The following PHLDB3 variants were observed in gnomAD, a reference collection of about 807,000 sequenced individuals.
PHLDB3 encodes pleckstrin homology-like domain family B member 3.
In PHLDB3, 86 loss-of-function variants were observed where a neutral mutation model predicts 85.7. The ratio of observed to expected loss-of-function variants is 1.00; its 90% CI spans 0.84 to 1.20. The LOEUF (loss-of-function observed/expected upper bound fraction) is 1.20, where lower values mean the gene tolerates loss of function less well. PHLDB3 is among the 50% of genes most tolerant of loss of function. The pLI is 0.00. For missense variants in PHLDB3, 995 were observed against 873.0 expected (o/e 1.14, Z -1.76); for synonymous variants, 376 against 349.8 (o/e 1.07, Z -0.83).
intron 10 of PHLDB3, 35 bp downstream of exon 10, chr19:43,486,989 T>C (rs761744442): frequency 1.8e-5 from 27 of 1,506,640 alleles, no homozygotes; most frequent in Non-Finnish European, 2.4e-5. Flanking sequence ...TGAGTGCTGA[T>C]GTGGGAAGGA....
At chr19:43,487,591 A>AAAAAAAAAAAAAAAAAAC (rs1167897767) in intron 9 of PHLDB3, among the ~76,000 whole-genome samples, 23 of 115,770 alleles carry the variant, frequency 2.0e-4, no homozygotes, top group East Asian at 9.8e-4. Flanking sequence ...AAAAAAAAAA[A>AAAAAAAAAAAAAAAAAAC]ACACAGAAAA....
chr19:43,487,763 C>T (rs534958211), intron 9 of PHLDB3, among the ~76,000 whole-genome samples: 51 of 151,704 alleles, frequency 3.4e-4, no homozygotes, highest in Admixed American at 2.4e-3. Flanking sequence ...GTAATGTTTG[C>T]GCAACGTTGA....
chr19:43,499,073 G>A (rs777788923), intron 4 of PHLDB3, among the ~76,000 whole-genome samples: 3 of 152,140 alleles, frequency 2.0e-5, no homozygotes, highest in Non-Finnish European at 4.4e-5. Context: ...GGTTACAGGG[G>A]TGGAGAGCAG....
intron 13 of PHLDB3, among the ~76,000 whole-genome samples, chr19:43,482,389 A>C (rs574288807): frequency 2.0e-5 from 3 of 152,156 alleles, no homozygotes; most frequent in Admixed American, 6.5e-5. Context: ...TTCCTCTTCT[A>C]GGTGTGAAGC....
At chr19:43,491,774 C>T (rs1167764698) in intron 9 of PHLDB3, among the ~76,000 whole-genome samples, 1 of 150,116 alleles carries the variant, frequency 6.7e-6, no homozygotes, top group African/African-American at 2.5e-5. Context: ...TCAAGCAATT[C>T]TCCTGCCAAA....
chr19:43,499,305 G>A (rs142049916), intron 4 of PHLDB3, among the ~76,000 whole-genome samples: 6 of 152,126 alleles, frequency 3.9e-5, no homozygotes, highest in Admixed American at 1.3e-4. Context: ...TGTGGAGAAG[G>A]GAGTTGCTGA....
intron 13 of PHLDB3, chr19:43,485,878 G>C: frequency 2.4e-6 from 2 of 842,280 alleles, no homozygotes; most frequent in Non-Finnish European, 2.9e-6. Flanking sequence ...ATTTTTAAAA[G>C]TTCCAGCATG....
In PHLDB3 at chr19:43,486,567, G is replaced by A. The variant is rs746901187; in HGVS notation, c.1428+42C>T. The A allele has an allele frequency of 1.9e-6, 3 of 1,587,674 alleles. No individual in the cohort carries two copies. In the South Asian group the frequency reaches 3.4e-5, roughly 18 times the overall value. The stretch of plus-strand genomic sequence containing the variant: ...TCCCAGGTCTGAGGGAGGAGAGGCT[G>A]GGGCAGTCTTCTGTTCCGAAGAGGA... On this transcript the variant is annotated intron_variant, in intron 12 of 15. Transcript: ENST00000292140.
intron 5 of PHLDB3, among the ~76,000 whole-genome samples, chr19:43,497,546 T>C (rs1971490391): frequency 6.6e-6 from 1 of 152,090 alleles, no homozygotes; most frequent in Non-Finnish European, 1.5e-5. Flanking sequence ...ACCCCGTCTC[T>C]ACTAAAATGC....
chr19:43,500,923 C>CCCCCCCCCCCCCA (rs1555757872), intron 4 of PHLDB3, among the ~76,000 whole-genome samples: 1 of 105,760 alleles, frequency 9.5e-6, no homozygotes. Context: ...CCCCCCCACC[C>CCCCCCCCCCCCCA]CGCAAGTACT....
At chr19:43,504,411 C>G (rs1971704959) in intron 1 of PHLDB3, 178 bp downstream of exon 1, 1 of 533,628 alleles carries the variant, frequency 1.9e-6, no homozygotes, top group Non-Finnish European at 3.3e-6. Context: ...TCCCTCATCT[C>G]TAGGTGTCAG....
chr19:43,484,612 T>C (rs1436405155), intron 13 of PHLDB3, among the ~76,000 whole-genome samples: 1 of 152,008 alleles, frequency 6.6e-6, no homozygotes, highest in African/African-American at 2.4e-5. Context: ...CTCGGGAGGC[T>C]GAGGTAGAAG....
At chr19:43,475,579 A>G (rs969400573) in intron 15 of PHLDB3, 35 bp from the exon 16 acceptor site, 1 of 1,612,748 alleles carries the variant, frequency 6.2e-7, no homozygotes, top group Non-Finnish European at 8.5e-7. Context: ...AATTCAGACA[A>G]AAGACACCGG....
Position 43,503,957 on chromosome 19 carries a change from T to C in PHLDB3, c.162A>G (p.Ala54=). Residue 54 remains alanine (A), a synonymous_variant, in exon 2 of 16, where the codon GCA becomes GCG. Transcript: ENST00000292140. ...PSSRGGAEQQ[A]EEEEVGEGSS... ...TGCCTTCTCCCACTTCTTCTTCCTCTGCCTGCTGCTCAGCTCCCCCGCGGC... is the reference window on the plus strand; with the variant it reads ...TGCCTTCTCCCACTTCTTCTTCCTCCGCCTGCTGCTCAGCTCCCCCGCGGC... 1 of 1,613,932 alleles carries C rather than the reference T, an allele frequency of 6.2e-7. No homozygotes were observed. Among genetic ancestry groups the C allele is most frequent in the Non-Finnish European group, 8.5e-7 (1 of 1,179,818 alleles).
intron 4 of PHLDB3, chr19:43,501,495 T>G: frequency 1.3e-6 from 1 of 746,572 alleles, no homozygotes; most frequent in South Asian, 1.9e-5. Context: ...AGTTTGGAAG[T>G]TTTTACACAC....
intron 9 of PHLDB3, among the ~76,000 whole-genome samples, chr19:43,491,185 G>A (rs1035356838): frequency 6.6e-6 from 1 of 152,112 alleles, no homozygotes; most frequent in African/African-American, 2.4e-5. Context: ...CCTAAGTCAC[G>A]TTGCCTGGCA....
At chr19:43,484,110 G>T (rs1299702983) in intron 13 of PHLDB3, among the ~76,000 whole-genome samples, 1 of 151,894 alleles carries the variant, frequency 6.6e-6, no homozygotes, top group Non-Finnish European at 1.5e-5. Flanking sequence ...AATTAGCCAG[G>T]CATGGTGGTG....
Position 43,497,276 on chromosome 19 carries a change from T to C in PHLDB3, c.667A>G (p.Arg223Gly). 6.9e-7 allele frequency: 1 copy of C among 1,447,884 alleles called. No individual in the cohort carries two copies. Among genetic ancestry groups the C allele is most frequent in the South Asian group, 1.6e-5 (1 of 64,364 alleles). 89.7% of individuals were successfully genotyped at this position (1,447,884 alleles called of 1,614,324 possible). A position where few individuals can be genotyped will look rare whatever the true frequency, so the allele number is the denominator to read the frequency against. The stretch of plus-strand genomic sequence containing the variant: ...CGTTGGGCCACATCCAGTTGTTCCC[T>C]CATCTATAGGTCGGAACACAAAAAG... ...ERLLQGVQEM[R>G]EQLDVAQRAY... is the part of the protein sequence containing the mutation. The change falls in exon 6 of 16, where the codon AGG becomes GGG. Residue 223 changes from arginine (R) to glycine (G), a missense_variant. Coordinates refer to ENST00000292140, the MANE Select transcript of PHLDB3 (RefSeq NM_198850.4).
intron 12 of PHLDB3, 61 bp from the exon 13 acceptor site, chr19:43,486,383 G>A (rs1971157136): frequency 2.7e-6 from 4 of 1,495,656 alleles, no homozygotes; most frequent in East Asian, 2.4e-5. Context: ...TAGGGTGGCT[G>A]GAGAATGTCC....
Sources: gnomAD v4.1 joint callset for allele counts (sites outside exome capture counted in the v4.1 genomes callset) on GRCh38, gnomAD v4.1.1 for gene constraint, MANE v1.5 for transcripts, NCBI Gene and HGNC (gene_info 2026-07-23, HGNC 2026-07-21) for gene names.